DCST1: variants seen among roughly 807,000 people sequenced by gnomAD.
DCST1 encodes the protein E3 ubiquitin-protein ligase DCST1.
Under a neutral mutation model 89.1 loss-of-function variants are expected in DCST1, and 78 were observed. The ratio of observed to expected loss-of-function variants is 0.88; its 90% CI spans 0.73 to 1.06. DCST1 has a LOEUF of 1.06. DCST1 is among the 50% of genes least tolerant of loss of function. DCST1 has a pLI of 0.00. For missense variants in DCST1, 900 were observed against 928.6 expected (o/e 0.97, Z 0.40); for synonymous variants, 364 against 371.9 (o/e 0.98, Z 0.24).
chr1:155,050,717 C>T lies in DCST1; in HGVS notation c.1970C>T (p.Ser657Phe). The T allele has an allele frequency of 6.2e-7, 1 of 1,609,318 alleles. No homozygotes were observed. Among genetic ancestry groups the T allele is most frequent in the Non-Finnish European group, 8.5e-7 (1 of 1,178,390 alleles). ...VVCQAPETPE[S>F]YVCRTLDCEA... ...TGCCAGGCACCCGAGACGCCCGAGT[C>T]CTACGTGTGCCGGACGCTGGACTGC... The change falls in exon 17 of 17, where the codon TCC (serine) becomes TTC (phenylalanine). Residue 657 changes from serine to phenylalanine, a missense_variant. Transcript: ENST00000295542.
intron 4 of DCST1, among the ~76,000 whole-genome samples, chr1:155,036,375 G>C (rs936867838): frequency 1.3e-5 from 2 of 152,150 alleles, no homozygotes; most frequent in African/African-American, 4.8e-5. Flanking sequence ...AGAAGACCTA[G>C]TCCTACTTCA....
At chr1:155,034,155 C>G in intron 2 of DCST1, 58 bp downstream of exon 2, 3 of 1,600,532 alleles carry the variant, frequency 1.9e-6, no homozygotes, top group Non-Finnish European at 2.6e-6. Flanking sequence ...CCCATCTCTC[C>G]TCCTGGAACT....
In DCST1 at chr1:155,034,423, T is replaced by TC; in HGVS notation, c.62-7dup. ...AAGAGTGGGCTGTTGAGCTACCCTG[T>TC]CCCCCTCTTAGCGGTGCAGAGGCTC... On this transcript the variant is annotated splice_polypyrimidine_tract_variant and intron_variant, in intron 2 of 16. Coordinates refer to ENST00000295542, the MANE Select transcript of DCST1 (RefSeq NM_152494.4). The TC allele has an allele frequency of 6.2e-7, 1 of 1,613,866 alleles. No individual in the cohort carries two copies. The highest frequency in any genetic ancestry group is 1.1e-5 in the South Asian group (1 of 91,074).
At chr1:155,034,194 C>A in intron 2 of DCST1, 97 bp downstream of exon 2, 1 of 1,551,876 alleles carries the variant, frequency 6.4e-7, no homozygotes, top group Non-Finnish European at 8.9e-7. Context: ...ACTCGGTGTC[C>A]GCGCCTCCAC....
At position 155,048,040 on chromosome 1, in the gene DCST1, C is replaced by T. The variant is rs748158429; in HGVS notation, c.1756-17C>T. The T allele has an allele frequency of 7.4e-6, 12 of 1,613,546 alleles. No homozygotes were observed. In the South Asian group the frequency reaches 8.8e-5, roughly 12 times the overall value. On this transcript the variant is annotated splice_polypyrimidine_tract_variant and intron_variant, in intron 15 of 16. Coordinates refer to ENST00000295542, the MANE Select transcript of DCST1 (RefSeq NM_152494.4). ...GGGGATGCCTTTCTCTATCATTGAC[C>T]CCCTTCCTGCCCCCAGCGAGAGAAG...
rs577453332 is a variant in DCST1, at chr1:155,039,342, A to ACGTGAGGAAGGGAGGCAGCTTCCTC, written c.263-60_263-36dup. The ACGTGAGGAAGGGAGGCAGCTTCCTC allele has an allele frequency of 3.8e-4, 548 of 1,460,562 alleles. 1 individual carries two copies. The African/African-American group carries it at 6.6e-3, about 18-fold the overall frequency. 90.5% of individuals were successfully genotyped at this position (1,460,562 alleles called of 1,614,324 possible). On this transcript the variant is annotated intron_variant, in intron 4 of 16. Coordinates refer to ENST00000295542, the MANE Select transcript of DCST1 (RefSeq NM_152494.4). ...GTGTTGCAGGTGGGTGCTCTGGTAA[A>ACGTGAGGAAGGGAGGCAGCTTCCTC]CGTGAGGAAGGGAGGCAGCTTCCTC...
chr1:155,050,399 T>C (rs537553244), intron 16 of DCST1, among the ~76,000 whole-genome samples: 5 of 152,322 alleles, frequency 3.3e-5, no homozygotes, highest in African/African-American at 7.2e-5. Flanking sequence ...GTGGCTGATA[T>C]CCGCTTGGAG....
intron 9 of DCST1, 92 bp from the exon 10 acceptor site, chr1:155,043,260 G>C (rs190576016): frequency 1.1e-5 from 18 of 1,584,152 alleles, no homozygotes; most frequent in Admixed American, 6.8e-5. Flanking sequence ...AGGGACACAA[G>C]TGGGGTACTG....
chr1:155,035,158 TTGTA>T (rs1553260268), intron 4 of DCST1: 2 of 192,258 alleles, frequency 1.0e-5, no homozygotes, highest in Non-Finnish European at 2.2e-5. Context: ...TTGGTTTTGT[TTGTA>T]TGTTTTTGTT....
chr1:155,034,834 C>G, intron 4 of DCST1, 107 bp downstream of exon 4: 1 of 1,210,598 alleles, frequency 8.3e-7, no homozygotes, highest in Non-Finnish European at 1.2e-6. Context: ...ACCCATACAT[C>G]CCCTGTGGCT....
rs565614235 is a variant in DCST1, at chr1:155,040,550, C to G, written c.457C>G (p.Leu153Val). 15 of 1,592,922 alleles carry G rather than the reference C, an allele frequency of 9.4e-6. No homozygotes were observed. The highest frequency in any genetic ancestry group is 1.3e-5 in the Non-Finnish European group (15 of 1,168,802). ...VIASLGCTVELQINNTRAAWR... is the reference protein window; with the variant it reads ...VIASLGCTVEVQINNTRAAWR... ...CGCATCGCTGGGCTGCACCGTGGAG[C>G]TGCAGATCAACAACACCCGCGCAGC... Residue 153 changes from leucine (L) to valine (V), a missense_variant, in exon 6 of 17, where the codon CTG becomes GTG. By Grantham distance (32) the Leu-to-Val change is conservative (BLOSUM62 1). Coordinates refer to ENST00000295542, the MANE Select transcript of DCST1 (RefSeq NM_152494.4).
intron 5 of DCST1, 121 bp from the exon 6 acceptor site, chr1:155,040,364 G>A: frequency 9.4e-7 from 1 of 1,058,806 alleles, no homozygotes; most frequent in Non-Finnish European, 1.3e-6. Context: ...CCTTTCATAG[G>A]CTCTCGGCCC....
intron 15 of DCST1, 54 bp from the exon 16 acceptor site, chr1:155,048,003 A>G: frequency 6.2e-7 from 1 of 1,612,034 alleles, no homozygotes; most frequent in Non-Finnish European, 8.5e-7. Flanking sequence ...CTCCCTACCA[A>G]CTCCATATTT....
intron 16 of DCST1, 27 bp from the exon 17 acceptor site, chr1:155,050,590 C>G: frequency 1.3e-6 from 2 of 1,551,512 alleles, no homozygotes; most frequent in Non-Finnish European, 1.7e-6. Flanking sequence ...CGCTCCCGGG[C>G]TGGCGCTAAC....
chr1:155,048,071 G>C lies in DCST1; in HGVS notation c.1770G>C (p.Arg590=). 6.2e-7 allele frequency: 1 copy of C among 1,613,968 alleles called. No individual in the cohort carries two copies. The highest frequency in any genetic ancestry group is 8.5e-7 in the Non-Finnish European group (1 of 1,179,982). The change falls in exon 16 of 17, where the codon CGG becomes CGC. Residue 590 remains arginine (R), a synonymous_variant. Coordinates refer to ENST00000295542, the MANE Select transcript of DCST1 (RefSeq NM_152494.4). ...CCTGCCCCCAGCGAGAGAAGAAGCG[G>C]ATCCTGTTCCTCTACAATGACCTAT... ...AFYFPKREKK[R]ILFLYNDLLK... is the part of the protein sequence containing the mutation.
At chr1:155,034,921 C>A in intron 4 of DCST1, 194 bp downstream of exon 4, 1 of 619,570 alleles carries the variant, frequency 1.6e-6, no homozygotes, top group Non-Finnish European at 2.8e-6. Context: ...ACCGTCCTTG[C>A]CCTGAGGGAG....
At chr1:155,035,816 G>C (rs1660264976) in intron 4 of DCST1, among the ~76,000 whole-genome samples, 1 of 152,142 alleles carries the variant, frequency 6.6e-6, no homozygotes, top group African/African-American at 2.4e-5. Flanking sequence ...TGTAGTCCCA[G>C]CTTCTTGGGA....
rs74520550 is a variant in DCST1 at position 155,033,974 on chromosome 1, C to A, written c.-63C>A. ...CAGCACCTCTCTTCTCTCACCAGAACCTTGTGTCCAAGGAGGTCCTTCAGG... is the reference window on the plus strand; with the variant it reads ...CAGCACCTCTCTTCTCTCACCAGAAACTTGTGTCCAAGGAGGTCCTTCAGG... On this transcript the variant is annotated splice_region_variant and 5_prime_UTR_variant, in exon 2 of 17. Transcript: ENST00000295542. 0.18 allele frequency: 291,062 copies of A among 1,595,340 alleles called. 27,984 individuals carry two copies. The highest frequency in any genetic ancestry group is 0.2 in the Non-Finnish European group (236,002 of 1,163,820).
chr1:155,039,387 T>C lies in DCST1; in HGVS notation c.263-16T>C, dbSNP rs979034709. On this transcript the variant is annotated splice_polypyrimidine_tract_variant and intron_variant, in intron 4 of 16. Coordinates refer to ENST00000295542, the MANE Select transcript of DCST1 (RefSeq NM_152494.4). ...TTCCTCACTTCAGCTCACCACCTCC[T>C]GGGCTCTCCTGACAGGCTTGGGGGC... 3 of 1,544,084 alleles carry C rather than the reference T, an allele frequency of 1.9e-6. No individual in the cohort carries two copies. The highest frequency in any genetic ancestry group is 2.6e-6 in the Non-Finnish European group (3 of 1,142,938).
Sources: allele counts gnomAD v4.1 joint callset (sites outside exome capture counted in the v4.1 genomes callset), GRCh38; gene constraint gnomAD v4.1.1; transcripts MANE v1.5; gene names NCBI Gene and HGNC (gene_info 2026-07-23, HGNC 2026-07-21).